The following RGS6 variants were observed in gnomAD, a reference collection of about 807,000 sequenced individuals.
The protein encoded by RGS6 is regulator of G protein signaling 6.
In RGS6, 30 loss-of-function variants were observed where a neutral mutation model predicts 78.5. The ratio of observed to expected loss-of-function variants is 0.38; its 90% confidence interval spans 0.29 to 0.52. The LOEUF (loss-of-function observed/expected upper bound fraction) is 0.52. Ranked by LOEUF, RGS6 falls within the 20% of genes least tolerant of loss-of-function variation. The pLI, the probability that RGS6 is intolerant of heterozygous loss-of-function variation, is 0.85. For missense variants in RGS6, 495 were observed against 609.7 expected (o/e 0.81, Z 1.98); for synonymous variants, 206 against 206.0 (o/e 1.00, Z 0.00).
chr14:72,378,619 C>A (rs2085320807), intron 3 of RGS6, among the ~76,000 whole-genome samples: 1 of 151,880 alleles, frequency 6.6e-6, no homozygotes, highest in Admixed American at 6.5e-5. Context: ...TGAACACATA[C>A]AACCTATCAA....
At chr14:71,888,121 TG>T in the RGS6 span, among the ~76,000 whole-genome samples, 4 of 152,126 alleles carry the variant, frequency 2.6e-5, no homozygotes, top group African/African-American at 9.7e-5. Context: ...GTTGAAATAT[TG>T]GGGGTGGGTT....
intron 6 of RGS6, 124 bp downstream of exon 6, chr14:72,459,807 T>A: frequency 1.1e-6 from 1 of 901,064 alleles, no homozygotes; most frequent in Non-Finnish European, 1.8e-6. Flanking sequence ...TTCTGCTTAG[T>A]CCTTTCTCAT....
intron 4 of RGS6, among the ~76,000 whole-genome samples, chr14:72,457,100 A>T (rs953342747): frequency 1.3e-5 from 2 of 151,568 alleles, no homozygotes; most frequent in African/African-American, 4.8e-5. Flanking sequence ...AAAAAAAAAA[A>T]AAAAAAAAAT....
At chr14:72,394,449 C>A (rs1381999520) in intron 3 of RGS6, among the ~76,000 whole-genome samples, 1 of 152,152 alleles carries the variant, frequency 6.6e-6, no homozygotes, top group East Asian at 1.9e-4. Flanking sequence ...TCATTGATAA[C>A]ATCTTATCAA....
intron 3 of RGS6, among the ~76,000 whole-genome samples, chr14:72,368,290 C>T (rs1244752581): frequency 2.6e-5 from 4 of 152,064 alleles, no homozygotes; most frequent in African/African-American, 9.7e-5. Context: ...AGGATAACTG[C>T]ATTAATTCAT....
chr14:72,311,583 G>A (rs968279049), intron 2 of RGS6, among the ~76,000 whole-genome samples: 2 of 152,258 alleles, frequency 1.3e-5, no homozygotes, highest in Admixed American at 6.5e-5. Flanking sequence ...GCCAAGCCCA[G>A]GCTAGACATT....
intron 2 of RGS6, among the ~76,000 whole-genome samples, chr14:71,998,358 CT>C (rs1369646869): frequency 6.6e-6 from 1 of 152,166 alleles, no homozygotes; most frequent in African/African-American, 2.4e-5. Context: ...CACTTAGTGA[CT>C]TTGGGGGCCC....
chr14:71,932,122 C>A (rs1006589342), upstream of RGS6, among the ~76,000 whole-genome samples: 1 of 152,188 alleles, frequency 6.6e-6, no homozygotes, highest in East Asian at 1.9e-4. Context: ...AGCCTCCGCC[C>A]GGTCGAGCCA....
intron 2 of RGS6, among the ~76,000 whole-genome samples, chr14:72,013,293 A>C (rs992819868): frequency 6.8e-6 from 1 of 146,352 alleles, no homozygotes; most frequent in African/African-American, 2.5e-5. Context: ...AAAAAAAAAA[A>C]ACAACAACAA....
chr14:72,481,948 A>G (rs1220481429), intron 12 of RGS6, among the ~76,000 whole-genome samples: 1 of 151,152 alleles, frequency 6.6e-6, no homozygotes, highest in Non-Finnish European at 1.5e-5. Context: ...AGCTGGGATT[A>G]CAGGCACCTG....
chr14:72,217,322 A>G (rs1480521833), intron 2 of RGS6, among the ~76,000 whole-genome samples: 1 of 152,206 alleles, frequency 6.6e-6, no homozygotes, highest in Non-Finnish European at 1.5e-5. Context: ...TAGCCATTAC[A>G]ACCTCATCAG....
At chr14:72,494,179 G>C (rs1389080997) in intron 12 of RGS6, among the ~76,000 whole-genome samples, 1 of 152,200 alleles carries the variant, frequency 6.6e-6, no homozygotes, top group Non-Finnish European at 1.5e-5. Flanking sequence ...ATGTTTTACA[G>C]GTTTGTTAAA....
At chr14:71,936,213 C>G (rs2089334001) in intron 1 of RGS6, among the ~76,000 whole-genome samples, 1 of 151,522 alleles carries the variant, frequency 6.6e-6, no homozygotes, top group Admixed American at 6.6e-5. Flanking sequence ...GCAAGGAGAG[C>G]CAGTCCAAGT....
rs534573173 is a variant in RGS6 at position 72,489,003 on chromosome 14, T to TA, written c.855-6140dup. 5.8e-3 allele frequency among the ~76,000 whole-genome samples: 880 copies of TA among 151,912 alleles called. 7 individuals are homozygous for TA. Among genetic ancestry groups the TA allele is most frequent in the Non-Finnish European group, 9.8e-3 (667 of 67,910 alleles). On this transcript the variant is annotated intron_variant, in intron 12 of 17. Coordinates refer to ENST00000553525, the MANE Select transcript of RGS6 (RefSeq NM_001204424.2). ...CTTCAGGGAAATCTATTTCTGGTCT[T>TA]AAAAAAAAATTCCCCAATAACGTAA...
chr14:72,013,583 G>A (rs1254383899), intron 2 of RGS6, among the ~76,000 whole-genome samples: 1 of 152,208 alleles, frequency 6.6e-6, no homozygotes, highest in African/African-American at 2.4e-5. Flanking sequence ...CACAGGCTCA[G>A]TGAGGGCAAG....
intron 17 of RGS6, among the ~76,000 whole-genome samples, chr14:72,548,344 C>T (rs71427162): frequency 0.013 from 1,245 of 98,574 alleles, 4 homozygotes; most frequent in Non-Finnish European, 0.017. Context: ...TGTGTGTGTG[C>T]GCGCGTGTGT....
chr14:72,320,177 C>A (rs1415652611), intron 2 of RGS6, among the ~76,000 whole-genome samples: 1 of 152,100 alleles, frequency 6.6e-6, no homozygotes, highest in African/African-American at 2.4e-5. Flanking sequence ...AAGTATGTGG[C>A]CTTAGAGTTT....
chr14:72,397,051 A>C (rs968740527), intron 3 of RGS6, among the ~76,000 whole-genome samples: 1 of 152,024 alleles, frequency 6.6e-6, no homozygotes, highest in Non-Finnish European at 1.5e-5. Flanking sequence ...TTCCATATGA[A>C]CCTTAAAGTA....
Position 72,472,854 on chromosome 14 carries a change from C to T in RGS6, c.537-18C>T. On this transcript the variant is annotated intron_variant, in intron 8 of 17. Transcript: ENST00000553525. Reference sequence around the variant, plus strand: ...GAATACAGAGCTTCTTATTTCCTTCCTCTCTTTACTCTTTCAGGATTGACC... The same window carrying T: ...GAATACAGAGCTTCTTATTTCCTTCTTCTCTTTACTCTTTCAGGATTGACC... The T allele has an allele frequency of 6.4e-7, 1 of 1,572,260 alleles. No homozygotes were observed. Among genetic ancestry groups the T allele is most frequent in the Non-Finnish European group, 8.7e-7 (1 of 1,148,466 alleles).
Sources: allele counts gnomAD v4.1 joint callset (sites outside exome capture counted in the v4.1 genomes callset), GRCh38; gene constraint gnomAD v4.1.1; transcripts MANE v1.5; gene names NCBI Gene and HGNC (gene_info 2026-07-23, HGNC 2026-07-21).